The following PSORS1C1 variants were observed in gnomAD, a reference collection of about 807,000 sequenced individuals.
PSORS1C1 encodes psoriasis susceptibility 1 candidate 1.
A neutral mutation model predicts 9.4 loss-of-function variants in PSORS1C1; 7 were observed. The observed-to-expected ratio is 0.75, with a 90% CI of 0.42 to 1.40. PSORS1C1 has a LOEUF of 1.40. Ranked by LOEUF, PSORS1C1 falls within the 40% of genes most tolerant of loss-of-function variation. PSORS1C1 has a pLI of 0.01. For missense variants in PSORS1C1, 146 were observed against 178.1 expected, an observed-to-expected ratio of 0.82 and a Z score of 1.02; for synonymous variants, 63 against 69.4, an observed-to-expected ratio of 0.91 and a Z score of 0.46.
chr6:31,130,685 G>A (rs1302938274), intron 3 of PSORS1C1, among the ~76,000 whole-genome samples: 1 of 152,124 alleles, frequency 6.6e-6, no homozygotes, highest in Non-Finnish European at 1.5e-5. Context: ...ACAAGCGTGA[G>A]CCACTGCGCC....
intron 3 of PSORS1C1, among the ~76,000 whole-genome samples, chr6:31,134,380 G>A (rs1460320272): frequency 6.6e-6 from 1 of 151,330 alleles, no homozygotes; most frequent in Non-Finnish European, 1.5e-5. Flanking sequence ...TCGGCTCACT[G>A]CAAGCTCCAC....
intron 3 of PSORS1C1, among the ~76,000 whole-genome samples, chr6:31,130,261 AT>A (rs9281217): frequency 2.1e-3 from 298 of 142,644 alleles, no homozygotes; most frequent in African/African-American, 3.8e-3. Context: ...CCTAGGCACA[AT>A]TTTTTTTTTT....
intron 3 of PSORS1C1, chr6:31,137,600 C>A (rs1773206304): frequency 3.2e-6 from 1 of 313,604 alleles, no homozygotes; most frequent in Non-Finnish European, 5.8e-6. Context: ...TAGTTCCTGC[C>A]GCCGGCCACC....
intron 1 of PSORS1C1, chr6:31,117,442 C>T: frequency 6.4e-7 from 1 of 1,558,708 alleles, no homozygotes; most frequent in South Asian, 1.2e-5. Flanking sequence ...GTCACCCTTC[C>T]CAGTGAGGCA....
At chr6:31,120,509 T>C in intron 1 of PSORS1C1, 1 of 1,155,138 alleles carries the variant, frequency 8.7e-7, no homozygotes, top group Non-Finnish European at 1.3e-6. Context: ...CAGGAGTCAC[T>C]GTGGGGAGAG....
chr6:31,130,414 TTTG>T (rs1772855564), intron 3 of PSORS1C1, among the ~76,000 whole-genome samples: 1 of 62,796 alleles, frequency 1.6e-5, no homozygotes, highest in African/African-American at 9.3e-5. Flanking sequence ...TGGCTAATTG[TTTG>T]TTTTTTTTTT....
intron 4 of PSORS1C1, 34 bp downstream of exon 4, chr6:31,138,493 G>A: frequency 1.1e-5 from 17 of 1,610,594 alleles, no homozygotes; most frequent in South Asian, 2.2e-5. Context: ...ATGGTAAAAT[G>A]TCATGAACCC....
chr6:31,117,770 G>C lies in PSORS1C1; in HGVS notation c.-229+2879G>C, dbSNP rs3130555. On this transcript the variant is annotated intron_variant, in intron 1 of 5. Coordinates refer to ENST00000259881, the MANE Select transcript of PSORS1C1 (RefSeq NM_014068.3). ...CACCAACCAGAAAAATAGAAAATTA[G>C]GTGCCAAAGTGAGTGGCCTCAAAGG... 309,038 of 553,246 alleles carry C rather than the reference G, an allele frequency of 0.56. 88,523 individuals carry two copies. The highest frequency in any genetic ancestry group is 0.68 in the East Asian group (21,740 of 31,786). The allele number at this position is 553,246 out of a possible 1,614,324, so 34.3% of individuals were successfully genotyped here. A position where few individuals can be genotyped will look rare whatever the true frequency, so the allele number is the denominator to read the frequency against.
At chr6:31,138,381 G>C (rs1165743857) in intron 3 of PSORS1C1, 49 bp from the exon 4 acceptor site, 5 of 1,605,874 alleles carry the variant, frequency 3.1e-6, no homozygotes, top group Non-Finnish European at 4.3e-6. Context: ...CCAGCCCCAG[G>C]AGGAGGAGCC....
chr6:31,120,495 T>A, intron 1 of PSORS1C1: 1 of 1,248,846 alleles, frequency 8.0e-7, no homozygotes. Context: ...GGACATTCCC[T>A]GGGCAGGAGT....
At position 31,139,368 on chromosome 6, in the gene PSORS1C1, T is replaced by A; in HGVS notation, c.168-273T>A. ...GTAATCACAGAGATGTCCACCTTCATCCCTTGCAACTATTGGAAGCCAAAG... is the reference window on the plus strand; with the variant it reads ...GTAATCACAGAGATGTCCACCTTCAACCCTTGCAACTATTGGAAGCCAAAG... On this transcript the variant is annotated intron_variant, in intron 5 of 5. Coordinates refer to ENST00000259881, the MANE Select transcript of PSORS1C1 (RefSeq NM_014068.3). The surrounding 1 kb of genome is among the most constrained non-coding windows in gnomAD (Gnocchi z 5.2). 1 of 590,418 alleles carries A rather than the reference T, an allele frequency of 1.7e-6. No individual in the cohort carries two copies. Among genetic ancestry groups the A allele is most frequent in the Non-Finnish European group, 3.0e-6 (1 of 331,328 alleles). The allele number at this position is 590,418 out of a possible 1,614,324, so 36.6% of individuals were successfully genotyped here.
rs967558793 is a variant in PSORS1C1 at position 31,123,256 on chromosome 6, AC to A, written c.-228-2419del. Among the ~76,000 whole-genome samples the A allele has an allele frequency of 7.4e-4, 112 of 152,142 alleles. 1 individual carries two copies. Among genetic ancestry groups the A allele is most frequent in the African/African-American group, 2.6e-3 (109 of 41,538 alleles). On this transcript the variant is annotated intron_variant, in intron 1 of 5. Coordinates refer to ENST00000259881, the MANE Select transcript of PSORS1C1 (RefSeq NM_014068.3). ...CCACCCTGGGCTGCCCAGTTCCTCTACTGTCCTGCCCACCTGTGGGCCCTTG... is the reference window on the plus strand; with the variant it reads ...CCACCCTGGGCTGCCCAGTTCCTCTATGTCCTGCCCACCTGTGGGCCCTTG...
At chr6:31,116,740 G>C in intron 1 of PSORS1C1, 1 of 1,613,014 alleles carries the variant, frequency 6.2e-7, no homozygotes, top group South Asian at 1.1e-5. Context: ...GCCACCATAG[G>C]ATTTGTCTAC....
chr6:31,137,659 C>T (rs1044009207), intron 3 of PSORS1C1: 7 of 356,150 alleles, frequency 2.0e-5, no homozygotes, highest in Non-Finnish European at 3.0e-5. Context: ...AGCGATCGCG[C>T]GGGCAGGAAG....
rs111512144 is a variant in PSORS1C1 at position 31,125,728 on chromosome 6, G to A, written c.-176G>A. On this transcript the variant is annotated 5_prime_UTR_variant, in exon 2 of 6. Transcript: ENST00000259881. Reference sequence around the variant, plus strand: ...CCGTGAGCCCTGACTTCTTGCCTTCGTCTCAAATAGACTCTGCAGCCAGCC... The same window carrying A: ...CCGTGAGCCCTGACTTCTTGCCTTCATCTCAAATAGACTCTGCAGCCAGCC... The A allele has an allele frequency of 0.051, 7,737 of 152,180 alleles. 276 individuals are homozygous for A. The highest frequency in any genetic ancestry group is 0.12 in the South Asian group (558 of 4,804). The allele number at this position is 152,180 out of a possible 1,614,324, so 9.4% of individuals were successfully genotyped here. A position where few individuals can be genotyped will look rare whatever the true frequency, so the allele number is the denominator to read the frequency against.
At chr6:31,114,961 C>T in intron 1 of PSORS1C1, 70 bp downstream of exon 1, 1 of 446,202 alleles carries the variant, frequency 2.2e-6, no homozygotes, top group Non-Finnish European at 4.5e-6. Flanking sequence ...GGAGAGGAAA[C>T]ACTGAGGGCC....
At chr6:31,122,052 A>G (rs1000949975) in intron 1 of PSORS1C1, among the ~76,000 whole-genome samples, 2 of 152,178 alleles carry the variant, frequency 1.3e-5, no homozygotes, top group Middle Eastern at 3.2e-3. Context: ...ATGCCTTGGG[A>G]AAAACAAACA....
At chr6:31,137,719 T>G in intron 3 of PSORS1C1, 1 of 393,144 alleles carries the variant, frequency 2.5e-6, no homozygotes, top group Non-Finnish European at 4.5e-6. Context: ...GGTAGGAGAG[T>G]AGGCTTAGGC....
At position 31,138,646 on chromosome 6, in the gene PSORS1C1, TG is replaced by T; in HGVS notation, c.44-8del. On this transcript the variant is annotated splice_polypyrimidine_tract_variant and intron_variant, in intron 4 of 5. Transcript: ENST00000259881. ...CTGCAACCCAAAGTGGGTTACACCT[TG>T]GCCCCCAGGCACACAGACCCCAGCT... 1 of 1,613,118 alleles carries T rather than the reference TG, an allele frequency of 6.2e-7. No homozygotes were observed. The highest frequency in any genetic ancestry group is 8.5e-7 in the Non-Finnish European group (1 of 1,179,964).
Sources: gnomAD v4.1 joint callset for allele counts (sites outside exome capture counted in the v4.1 genomes callset) on GRCh38, gnomAD v4.1.1 for gene constraint, Gnocchi (gnomAD v3.1) non-coding constraint, MANE v1.5 for transcripts, NCBI Gene and HGNC (gene_info 2026-07-23, HGNC 2026-07-21) for gene names.